Variants in CHST3 observed in about 807,000 individuals in gnomAD.
The protein encoded by CHST3 is carbohydrate sulfotransferase 3, also known as C6ST-1.
A neutral mutation model predicts 35.4 loss-of-function variants in CHST3; 20 were observed. That is an observed-to-expected ratio of 0.57 (90% CI 0.40 to 0.82). The LOEUF is 0.82. Ranked by LOEUF, CHST3 falls within the 40% of genes least tolerant of loss-of-function variation. The pLI is 0.00. For synonymous variants in CHST3, 334 were observed against 295.9 expected (o/e 1.13, Z -1.32); for missense variants, 693 against 670.1 (o/e 1.03, Z -0.38).
Position 72,008,317 on chromosome 10 carries a change from G to A in CHST3, c.1286G>A (p.Arg429His), listed in dbSNP as rs1272861569. 4 of 1,578,754 alleles carry A rather than the reference G, an allele frequency of 2.5e-6. No homozygotes were observed. The highest frequency in any genetic ancestry group is 4.7e-5 in the East Asian group (2 of 42,968). Residue 429 changes from arginine to histidine, a missense_variant, in exon 3 of 3, where the codon CGC (arginine) becomes CAC (histidine). Physicochemically the swap from Arg to His is conservative, Grantham distance 29. Coordinates refer to ENST00000373115, the MANE Select transcript of CHST3 (RefSeq NM_004273.5). ...TCCTCGGAGCAGTTCGAGAAGTGGC[G>A]CTTCAGCATGCCCTTCAAGCTGGCC... The part of the protein sequence containing the change: ...KNSSEQFEKW[R>H]FSMPFKLAQV...
chr10:71,979,493 G>A (rs1195139869), intron 1 of CHST3, among the ~76,000 whole-genome samples: 1 of 152,020 alleles, frequency 6.6e-6, no homozygotes, highest in Non-Finnish European at 1.5e-5. Flanking sequence ...GGATGTGTAG[G>A]GTTTGGGCTC....
chr10:71,993,639 CT>C (rs1467909363), intron 1 of CHST3, among the ~76,000 whole-genome samples: 3 of 152,220 alleles, frequency 2.0e-5, no homozygotes, highest in Admixed American at 1.3e-4. Flanking sequence ...CAGCTATAGC[CT>C]TACAAAATGT....
intron 1 of CHST3, among the ~76,000 whole-genome samples, chr10:71,982,481 G>A (rs572078330): frequency 6.6e-5 from 10 of 152,286 alleles, no homozygotes; most frequent in African/African-American, 2.2e-4. Flanking sequence ...AGCTGGGCAC[G>A]GTGGCTTATG....
intron 1 of CHST3, among the ~76,000 whole-genome samples, chr10:71,974,020 CT>C (rs1839721308): frequency 6.6e-6 from 1 of 152,208 alleles, no homozygotes. Flanking sequence ...GGCCAAGTTG[CT>C]TACCTTCTCT....
At chr10:72,002,953 C>T (rs745706697) in intron 1 of CHST3, among the ~76,000 whole-genome samples, 1 of 152,122 alleles carries the variant, frequency 6.6e-6, no homozygotes, top group Non-Finnish European at 1.5e-5. Flanking sequence ...AGCCAGAAAG[C>T]CCCACCATAG....
intron 1 of CHST3, among the ~76,000 whole-genome samples, chr10:71,981,377 G>A (rs1055341522): frequency 3.3e-5 from 5 of 152,210 alleles, no homozygotes; most frequent in Non-Finnish European, 7.4e-5. Flanking sequence ...CCCCTCCCCA[G>A]CCTCGCAGCC....
chr10:71,976,570 G>GAA (rs1839747761), intron 1 of CHST3, among the ~76,000 whole-genome samples: 1 of 152,188 alleles, frequency 6.6e-6, no homozygotes, highest in African/African-American at 2.4e-5. Flanking sequence ...AGGAGAGAGA[G>GAA]AACTCAAACC....
At chr10:72,005,360 C>T (rs1301649633) in intron 1 of CHST3, among the ~76,000 whole-genome samples, 4 of 151,804 alleles carry the variant, frequency 2.6e-5, no homozygotes, top group Non-Finnish European at 5.9e-5. Context: ...TTTATACATC[C>T]ACCTCATTAT....
At chr10:71,994,989 G>A (rs964497516) in intron 1 of CHST3, among the ~76,000 whole-genome samples, 8 of 152,130 alleles carry the variant, frequency 5.3e-5, no homozygotes, top group African/African-American at 1.9e-4. Flanking sequence ...ACATGCTCTG[G>A]TTTAGGTTTT....
At chr10:71,997,553 A>T (rs1176198835) in intron 1 of CHST3, among the ~76,000 whole-genome samples, 2 of 152,158 alleles carry the variant, frequency 1.3e-5, no homozygotes, top group Non-Finnish European at 2.9e-5. Flanking sequence ...TTCCAAAGTG[A>T]TAATACATTC....
At position 72,008,304 on chromosome 10, in the gene CHST3, T is replaced by C; in HGVS notation, c.1273T>C (p.Phe425Leu). The C allele has an allele frequency of 6.3e-7, 1 of 1,584,192 alleles. No homozygotes were observed. Among genetic ancestry groups the C allele is most frequent in the Non-Finnish European group, 8.6e-7 (1 of 1,165,702 alleles). ...YSTQKNSSEQ[F>L]EKWRFSMPFK... ...CACGCAGAAGAACTCCTCGGAGCAG[T>C]TCGAGAAGTGGCGCTTCAGCATGCC... Residue 425 changes from phenylalanine to leucine, a missense_variant, in exon 3 of 3, where the codon TTC becomes CTC. By Grantham distance (22) the Phe-to-Leu change is conservative. Coordinates refer to ENST00000373115, the MANE Select transcript of CHST3 (RefSeq NM_004273.5).
intron 1 of CHST3, among the ~76,000 whole-genome samples, chr10:71,978,729 G>A (rs1208661970): frequency 1.3e-5 from 2 of 152,232 alleles, no homozygotes; most frequent in Non-Finnish European, 2.9e-5. Flanking sequence ...CTAAAGGGCA[G>A]TGAAGAACCG....
chr10:71,985,806 G>C (rs1839842413), intron 1 of CHST3, among the ~76,000 whole-genome samples: 1 of 152,154 alleles, frequency 6.6e-6, no homozygotes, highest in Non-Finnish European at 1.5e-5. Context: ...CTAGCCTAAT[G>C]TCACAATCAG....
chr10:71,993,625 A>G (rs1839916314), intron 1 of CHST3, among the ~76,000 whole-genome samples: 1 of 152,232 alleles, frequency 6.6e-6, no homozygotes, highest in African/African-American at 2.4e-5. Context: ...ATCACTGTCT[A>G]TTGCAGCTAT....
At chr10:71,997,963 G>A (rs1271757427) in intron 1 of CHST3, among the ~76,000 whole-genome samples, 2 of 152,112 alleles carry the variant, frequency 1.3e-5, no homozygotes, top group East Asian at 3.9e-4. Context: ...ACCACGCCCA[G>A]TCTCCATAAA....
At chr10:71,988,905 G>A (rs1472559668) in intron 1 of CHST3, among the ~76,000 whole-genome samples, 2 of 152,152 alleles carry the variant, frequency 1.3e-5, no homozygotes, top group African/African-American at 4.8e-5. Context: ...GCTCACACCT[G>A]TAATCCCAGC....
chr10:71,978,268 A>T (rs1249710210), intron 1 of CHST3, among the ~76,000 whole-genome samples: 2 of 152,076 alleles, frequency 1.3e-5, no homozygotes, highest in Non-Finnish European at 2.9e-5. Flanking sequence ...CGGGAGGCTG[A>T]GGCAGGAGAA....
chr10:71,983,861 A>G (rs1454440869), intron 1 of CHST3, among the ~76,000 whole-genome samples: 8 of 152,232 alleles, frequency 5.3e-5, no homozygotes, highest in Non-Finnish European at 8.8e-5. Flanking sequence ...AAGGCCAATC[A>G]CACTTCAGCT....
Position 72,007,619 on chromosome 10 carries a change from C to G in CHST3, c.588C>G (p.Phe196Leu), listed in dbSNP as rs974101244. The change falls in exon 3 of 3, where the codon TTC (phenylalanine) becomes TTG (leucine). Residue 196 changes from phenylalanine to leucine, a missense_variant. Coordinates refer to ENST00000373115, the MANE Select transcript of CHST3 (RefSeq NM_004273.5). ...LVYRDVLKQL[F>L]LCDLYVLEHF... ...ACCGCGACGTGCTCAAGCAGCTCTTCCTGTGCGACCTGTACGTGCTGGAGC... is the reference window on the plus strand; with the variant it reads ...ACCGCGACGTGCTCAAGCAGCTCTTGCTGTGCGACCTGTACGTGCTGGAGC... 1 of 1,610,082 alleles carries G rather than the reference C, an allele frequency of 6.2e-7. No homozygotes were observed. The highest frequency in any genetic ancestry group is 1.1e-5 in the South Asian group (1 of 90,858).
Sources: gnomAD v4.1 joint callset for allele counts (sites outside exome capture counted in the v4.1 genomes callset) on GRCh38, gnomAD v4.1.1 for gene constraint, MANE v1.5 for transcripts, NCBI Gene and HGNC (gene_info 2026-07-23, HGNC 2026-07-21) for gene names.